SH3TC2: variants seen among roughly 807,000 people sequenced by gnomAD.
SH3TC2 encodes SH3 domain and tetratricopeptide repeat-containing protein 2.
A neutral mutation model predicts 124.5 loss-of-function variants in SH3TC2; 87 were observed. That is an observed-to-expected ratio of 0.70 (90% CI 0.59 to 0.84). The LOEUF is 0.84. SH3TC2 is among the 40% of genes least tolerant of loss of function. The pLI, the probability that SH3TC2 is intolerant of heterozygous loss-of-function variation, is 0.00. For synonymous variants in SH3TC2, 634 were observed against 628.5 expected, an observed-to-expected ratio of 1.01 and a Z score of -0.13; for missense variants, 1,536 against 1,566.4, an observed-to-expected ratio of 0.98 and a Z score of 0.33.
At chr5:149,007,099 G>A in intron 15 of SH3TC2, 22 bp from the exon 16 acceptor site, 1 of 1,610,532 alleles carries the variant, frequency 6.2e-7, no homozygotes, top group South Asian at 1.1e-5. Flanking sequence ...AAGACTGAGA[G>A]AGATATCCTG....
Position 148,988,691 on chromosome 5 carries a change from T to A in SH3TC2, c.*16020A>T, listed in dbSNP as rs4543254. On this transcript the variant is annotated 3_prime_UTR_variant, in exon 17 of 17. Transcript: ENST00000515425. The stretch of plus-strand genomic sequence containing the variant: ...CAGAGGAGCCTTTGATGACTCCAGC[T>A]CTGGCCACTATTGGACTGCAACAAC... Among the ~76,000 whole-genome samples the A allele has an allele frequency of 6.6e-6, 1 of 151,914 alleles. No homozygotes were observed. The highest frequency in any genetic ancestry group is 2.4e-5 in the African/African-American group (1 of 41,312).
At chr5:149,042,670 T>A in intron 5 of SH3TC2, 24 bp downstream of exon 5, 1 of 1,613,918 alleles carries the variant, frequency 6.2e-7, no homozygotes, top group African/African-American at 1.3e-5. Flanking sequence ...TAAGATCCCA[T>A]CTCTACCCCT....
chr5:149,038,526 C>T (rs1187303612), intron 7 of SH3TC2, 36 bp from the exon 8 acceptor site: 6 of 1,606,668 alleles, frequency 3.7e-6, no homozygotes, highest in East Asian at 2.2e-5. Flanking sequence ...CTACAGAAGA[C>T]ATGAACAGCT....
At position 148,994,966 on chromosome 5, in the gene SH3TC2, C is replaced by A. The variant is rs543573430; in HGVS notation, c.*9745G>T. 6.6e-6 allele frequency among the ~76,000 whole-genome samples: 1 copy of A among 152,246 alleles called. No homozygotes were observed. The highest frequency in any genetic ancestry group is 1.9e-4 in the East Asian group (1 of 5,172). On this transcript the variant is annotated 3_prime_UTR_variant, in exon 17 of 17. Transcript: ENST00000515425. ...AGAGACTTGGGATTATGAAACAATACTCTGGACCACTCAGGCCTCAAAATA... is the reference window on the plus strand; with the variant it reads ...AGAGACTTGGGATTATGAAACAATAATCTGGACCACTCAGGCCTCAAAATA...
At position 149,027,757 on chromosome 5, in the gene SH3TC2, G is replaced by C. The variant is rs1754097815; in HGVS notation, c.1975C>G (p.Leu659Val). 2 of 1,613,844 alleles carry C rather than the reference G, an allele frequency of 1.2e-6. No individual in the cohort carries two copies. The highest frequency in any genetic ancestry group is 1.3e-5 in the African/African-American group (1 of 74,944). The change falls in exon 11 of 17, where the codon CTG (leucine) becomes GTG (valine). Residue 659 changes from leucine (L) to valine (V), a missense_variant. By Grantham distance (32) the Leu-to-Val change is conservative. This residue lies in a region of SH3TC2 where 1,102 missense variants were observed against 1,098.6 expected (regional missense o/e 1.00). Transcript: ENST00000515425. ...HEEVLPFAER[L>V]QLLSGHPPAS... ...GGAGGGTGTCCAGAGAGGAGCTGCA[G>C]GCGCTCGGCAAAGGGCAGGACCTCC...
intron 15 of SH3TC2, 82 bp downstream of exon 15, chr5:149,008,769 G>A (rs1753733293): frequency 1.9e-6 from 3 of 1,583,912 alleles, no homozygotes; most frequent in Non-Finnish European, 2.6e-6. Context: ...TGACTCCAGG[G>A]CCTGCGGTGT....
Position 149,041,548 on chromosome 5 carries a change from AG to A in SH3TC2, c.598del (p.Leu200PhefsTer6). 1 of 1,614,186 alleles carries A rather than the reference AG, an allele frequency of 6.2e-7. No homozygotes were observed. Among genetic ancestry groups the A allele is most frequent in the South Asian group, 1.1e-5 (1 of 91,068 alleles). On this transcript the variant is annotated frameshift_variant, in exon 6 of 17. Transcript: ENST00000515425. LOFTEE classifies it high-confidence loss of function. ...PAEKEGECLT[L>X]CKNELISVKM... ...CACTGAGATTAACTCATTCTTGCAA[AG>A]TGTCAAGCATTCCCCTTCCTTCTCG...
In SH3TC2 at chr5:149,027,842, C is replaced by A. The variant is rs143197881; in HGVS notation, c.1890G>T (p.Pro630=). 1 of 1,613,834 alleles carries A rather than the reference C, an allele frequency of 6.2e-7. No homozygotes were observed. ...LRQGIVVGSS[P]LEARACFLAI... ...CCAGAAAGCAGGCCCTGGCCTCCAG[C>A]GGGCTGCTGCCCACCACAATCCCCT... The change falls in exon 11 of 17, where the codon CCG becomes CCT. Residue 630 remains proline, a synonymous_variant. Coordinates refer to ENST00000515425, the MANE Select transcript of SH3TC2 (RefSeq NM_024577.4).
intron 12 of SH3TC2, among the ~76,000 whole-genome samples, chr5:149,014,804 C>A (rs1753843273): frequency 6.6e-6 from 1 of 152,240 alleles, no homozygotes; most frequent in Non-Finnish European, 1.5e-5. Context: ...TCTCTCCCCA[C>A]TCTGTACCCT....
intron 8 of SH3TC2, chr5:149,034,536 AAATAT>A: frequency 2.5e-6 from 1 of 393,614 alleles, no homozygotes; most frequent in Non-Finnish European, 5.1e-6. Flanking sequence ...CAAAATAAAT[AAATAT>A]AATATCATTT....
chr5:149,037,852 A>G (rs537527624), intron 8 of SH3TC2, among the ~76,000 whole-genome samples: 1 of 152,320 alleles, frequency 6.6e-6, no homozygotes, highest in Admixed American at 6.5e-5. Context: ...GAAGTCACAC[A>G]TTGGCATTCA....
rs1176559868 is a variant in SH3TC2, at chr5:148,995,950, G to C, written c.*8761C>G. Among the ~76,000 whole-genome samples the C allele has an allele frequency of 1.3e-5, 2 of 152,066 alleles. No individual in the cohort carries two copies. Among genetic ancestry groups the C allele is most frequent in the Non-Finnish European group, 2.9e-5 (2 of 68,008 alleles). ...TAAGGACATGAGGAAAAAGAAAAAA[G>C]AGACCAACTGGCCGGGTGCCATGGC... On this transcript the variant is annotated 3_prime_UTR_variant, in exon 17 of 17. Coordinates refer to ENST00000515425, the MANE Select transcript of SH3TC2 (RefSeq NM_024577.4).
intron 9 of SH3TC2, among the ~76,000 whole-genome samples, chr5:149,030,361 G>A (rs566460876): frequency 2.0e-5 from 3 of 152,358 alleles, no homozygotes; most frequent in African/African-American, 7.2e-5. Context: ...ACGCCGCAGA[G>A]CTGCACTCCT....
intron 5 of SH3TC2, 128 bp downstream of exon 5, chr5:149,042,566 A>C (rs1296378142): frequency 2.7e-5 from 30 of 1,109,906 alleles, no homozygotes; most frequent in Non-Finnish European, 2.7e-5. Flanking sequence ...CTATTATAAC[A>C]GGTGGGTTCA....
At chr5:149,062,128 G>C (rs186875728) in intron 1 of SH3TC2, among the ~76,000 whole-genome samples, 102 of 152,186 alleles carry the variant, frequency 6.7e-4, no homozygotes, top group African/African-American at 2.1e-3. Context: ...GGAGCTCCAG[G>C]AAGACACAGA....
rs1320744022 is a variant in SH3TC2 at position 148,990,825 on chromosome 5, G to A, written c.*13886C>T. Among the ~76,000 whole-genome samples, 1 of 152,074 alleles carries A rather than the reference G, an allele frequency of 6.6e-6. No homozygotes were observed. Among genetic ancestry groups the A allele is most frequent in the Non-Finnish European group, 1.5e-5 (1 of 68,014 alleles). On this transcript the variant is annotated 3_prime_UTR_variant, in exon 17 of 17. Coordinates refer to ENST00000515425, the MANE Select transcript of SH3TC2 (RefSeq NM_024577.4). Reference sequence around the variant, plus strand: ...ATATTAAATATTTGCAATAAGCAAGGCCCTGAGTTAAGTATTCTAAGTACA... The same window carrying A: ...ATATTAAATATTTGCAATAAGCAAGACCCTGAGTTAAGTATTCTAAGTACA...
intron 1 of SH3TC2, among the ~76,000 whole-genome samples, chr5:149,057,341 CT>C (rs1279016752): frequency 1.3e-5 from 2 of 151,438 alleles, no homozygotes; most frequent in African/African-American, 2.4e-5. Flanking sequence ...TTTTTTATGA[CT>C]TTTTTTTTCT....
intron 3 of SH3TC2, chr5:149,045,056 T>G (rs1754435093): frequency 5.9e-6 from 1 of 169,080 alleles, no homozygotes; most frequent in African/African-American, 2.4e-5. Flanking sequence ...ATTATGAGTC[T>G]ATGTCTAATG....
chr5:149,012,810 G>A (rs1753806854), intron 12 of SH3TC2, 76 bp from the exon 13 acceptor site: 3 of 1,543,686 alleles, frequency 1.9e-6, no homozygotes, highest in African/African-American at 2.7e-5. Context: ...GGATGAAACA[G>A]AAGCTCTGAG....
Sources: allele counts gnomAD v4.1 joint callset (sites outside exome capture counted in the v4.1 genomes callset), GRCh38; gene constraint gnomAD v4.1.1; regional missense constraint gnomAD v4.1.1; transcripts MANE v1.5; gene names NCBI Gene and HGNC (gene_info 2026-07-23, HGNC 2026-07-21).